The following IL1RAPL1 variants were observed in gnomAD, a reference collection of about 807,000 sequenced individuals.
The protein encoded by IL1RAPL1 is interleukin 1 receptor accessory protein like 1.
A neutral mutation model predicts 48.4 loss-of-function variants in IL1RAPL1; 3 were observed. That is an observed-to-expected ratio of 0.06 (90% confidence interval 0.03 to 0.16). IL1RAPL1 has a LOEUF of 0.16. IL1RAPL1 is among the 10% of genes least tolerant of loss of function. The pLI is 1.00. For synonymous variants in IL1RAPL1, 185 were observed against 187.7 expected (o/e 0.99, Z 0.12); for missense variants, 349 against 530.6 (o/e 0.66, Z 3.36).
chrX:29,322,292 GTTTC>G (rs748069803), intron 3 of IL1RAPL1, among the ~76,000 whole-genome samples: 2 of 98,654 alleles, frequency 2.0e-5, no homozygotes, highest in Non-Finnish European at 4.1e-5. Flanking sequence ...TTTTGATGGA[GTTTC>G]TTTCTTGTCG....
chrX:28,706,195 A>G (rs866474168), intron 1 of IL1RAPL1, among the ~76,000 whole-genome samples: 6 of 111,657 alleles, frequency 5.4e-5, no homozygotes, highest in Admixed American at 1.9e-4. Flanking sequence ...CTATGTTTAG[A>G]TACATAAATA....
At chrX:29,174,653 C>T (rs1336158323) in intron 2 of IL1RAPL1, among the ~76,000 whole-genome samples, 2 of 96,673 alleles carry the variant, frequency 2.1e-5, no homozygotes, top group Non-Finnish European at 4.3e-5. Context: ...ATAGGAATTG[C>T]TATTCCAGTA....
chrX:29,228,459 A>G lies in IL1RAPL1; in HGVS notation c.83-54479A>G, dbSNP rs149211420. On this transcript the variant is annotated intron_variant, in intron 2 of 10. Transcript: ENST00000378993. ...AACCTCCGCCTTCTGGGTTCAAACG[A>G]TTCTCCTCCCTCAGCCTCCCGAGTA... 8.9e-3 allele frequency among the ~76,000 whole-genome samples: 927 copies of G among 104,104 alleles called. 4 individuals carry two copies. The highest frequency in any genetic ancestry group is 0.015 in the Non-Finnish European group (756 of 51,150). 90.4% of individuals were successfully genotyped at this position (104,104 alleles called of 115,157 possible). A position where few individuals can be genotyped will look rare whatever the true frequency, so the allele number is the denominator to read the frequency against.
At chrX:28,679,420 T>A (rs1025815297) in intron 1 of IL1RAPL1, among the ~76,000 whole-genome samples, 2 of 111,315 alleles carry the variant, frequency 1.8e-5, no homozygotes, top group Non-Finnish European at 3.8e-5. Context: ...TTTGTTTTTA[T>A]TTTTTTTACT....
intron 3 of IL1RAPL1, among the ~76,000 whole-genome samples, chrX:29,296,053 G>A (rs1237893164): frequency 1.8e-5 from 2 of 111,885 alleles, no homozygotes; most frequent in Non-Finnish European, 3.8e-5. Flanking sequence ...TGAAGAGAGT[G>A]CTCTCAGAAA....
intron 1 of IL1RAPL1, among the ~76,000 whole-genome samples, chrX:28,694,403 C>T (rs995318141): frequency 8.9e-6 from 1 of 112,062 alleles, no homozygotes; most frequent in Non-Finnish European, 1.9e-5. Context: ...ATATTATTCA[C>T]TTTGGCCCAA....
At chrX:28,957,639 G>T (rs1393543899) in intron 2 of IL1RAPL1, among the ~76,000 whole-genome samples, 3 of 109,869 alleles carry the variant, frequency 2.7e-5, no homozygotes, top group Non-Finnish European at 5.7e-5. Flanking sequence ...CTGATCACTT[G>T]TAGAACGGGA....
chrX:29,652,712 G>A (rs905081060), intron 5 of IL1RAPL1, among the ~76,000 whole-genome samples: 2 of 111,725 alleles, frequency 1.8e-5, no homozygotes, highest in Non-Finnish European at 3.8e-5. Flanking sequence ...GCCAAGATGA[G>A]CAAAGCCACA....
At chrX:29,000,370 A>G (rs897686007) in intron 2 of IL1RAPL1, among the ~76,000 whole-genome samples, 5 of 111,593 alleles carry the variant, frequency 4.5e-5, no homozygotes, top group African/African-American at 1.6e-4. Context: ...TTTCCACCCT[A>G]GAAGTCCCTT....
At chrX:29,884,573 C>G (rs1175907495) in intron 6 of IL1RAPL1, among the ~76,000 whole-genome samples, 1 of 111,531 alleles carries the variant, frequency 9.0e-6, no homozygotes, top group East Asian at 2.8e-4. Context: ...TCTCATTCCA[C>G]TGATGAGCTC....
intron 3 of IL1RAPL1, among the ~76,000 whole-genome samples, chrX:29,302,136 G>A (rs1932545288): frequency 8.9e-6 from 1 of 111,914 alleles, no homozygotes. Context: ...AGTGATCCAG[G>A]ATGGCCTAAA....
At chrX:29,832,198 C>A (rs183933732) in intron 6 of IL1RAPL1, among the ~76,000 whole-genome samples, 1 of 111,812 alleles carries the variant, frequency 8.9e-6, no homozygotes, top group Non-Finnish European at 1.9e-5. Context: ...ATTTAATGAA[C>A]ATGTGCCATG....
intron 2 of IL1RAPL1, among the ~76,000 whole-genome samples, chrX:29,182,824 G>C (rs1252698504): frequency 9.0e-6 from 1 of 111,429 alleles, no homozygotes; most frequent in Non-Finnish European, 1.9e-5. Context: ...CTTGAGATGG[G>C]GAGATTGCCC....
chrX:28,908,292 A>G (rs1207730721), intron 2 of IL1RAPL1, among the ~76,000 whole-genome samples: 1 of 111,329 alleles, frequency 9.0e-6, no homozygotes, highest in Non-Finnish European at 1.9e-5. Context: ...GTGAAAGCTT[A>G]GAGTTTCAGA....
At chrX:29,291,144 T>C (rs896284516) in intron 3 of IL1RAPL1, among the ~76,000 whole-genome samples, 2 of 111,825 alleles carry the variant, frequency 1.8e-5, no homozygotes, top group Non-Finnish European at 3.8e-5. Flanking sequence ...CCTGCTTAGT[T>C]CCCTGAATAC....
At chrX:28,664,120 T>A (rs1227197871) in intron 1 of IL1RAPL1, among the ~76,000 whole-genome samples, 1 of 112,180 alleles carries the variant, frequency 8.9e-6, no homozygotes, top group Non-Finnish European at 1.9e-5. Flanking sequence ...TCTTTCCTGT[T>A]TTTTTCTACG....
At chrX:29,858,283 G>T (rs749759891) in intron 6 of IL1RAPL1, among the ~76,000 whole-genome samples, 1 of 111,717 alleles carries the variant, frequency 9.0e-6, no homozygotes, top group Non-Finnish European at 1.9e-5. Context: ...AAAGTGTTTT[G>T]CACATCATAA....
chrX:29,123,184 C>A (rs1434334636), intron 2 of IL1RAPL1, among the ~76,000 whole-genome samples: 1 of 109,914 alleles, frequency 9.1e-6, no homozygotes, highest in Non-Finnish European at 1.9e-5. Context: ...TGCCTGCCCC[C>A]ACACCCAGCT....
At chrX:29,502,833 A>G (rs1935289609) in intron 5 of IL1RAPL1, among the ~76,000 whole-genome samples, 1 of 111,131 alleles carries the variant, frequency 9.0e-6, no homozygotes, top group African/African-American at 3.3e-5. Context: ...GTTTGGAAGT[A>G]TTTTCTTTTT....
Sources: allele counts gnomAD v4.1 joint callset (sites outside exome capture counted in the v4.1 genomes callset), GRCh38; gene constraint gnomAD v4.1.1; transcripts MANE v1.5; gene names NCBI Gene and HGNC (gene_info 2026-07-23, HGNC 2026-07-21).